Variants in FADS3 observed in about 807,000 individuals in gnomAD.
FADS3 encodes the protein fatty acid desaturase 3, also known as cytochrome b5-related protein.
Under a neutral mutation model 60.4 loss-of-function variants are expected in FADS3, and 30 were observed. That is an observed-to-expected ratio of 0.50 (90% CI 0.37 to 0.67). The LOEUF (loss-of-function observed/expected upper bound fraction) is 0.67, where lower values mean the gene tolerates loss of function less well. Ranked by LOEUF, FADS3 falls within the 30% of genes least tolerant of loss-of-function variation. The pLI, the probability that FADS3 is intolerant of heterozygous loss-of-function variation, is 0.00. For missense variants in FADS3, 432 were observed against 598.3 expected, an observed-to-expected ratio of 0.72 and a Z score of 2.90; for synonymous variants, 234 against 249.3, an observed-to-expected ratio of 0.94 and a Z score of 0.58.
chr11:61,876,922 TAAG>T lies in FADS3; in HGVS notation c.924_926del (p.Phe308del), dbSNP rs1937915694. 1.2e-6 allele frequency: 2 copies of T among 1,609,912 alleles called. No individual in the cohort carries two copies. The highest frequency in any genetic ancestry group is 8.5e-7 in the Non-Finnish European group (1 of 1,178,820). ...GGACGCCGTAGAAGGGGAGGTAGGA[TAAG>T]AAGAAGCGGGCATAGAAGCTGGCGG... On this transcript the variant is annotated inframe_deletion, in exon 8 of 12. Transcript: ENST00000278829. The surrounding 1 kb of genome is among the most constrained non-coding windows in gnomAD (Gnocchi z 5.7).
At chr11:61,884,194 T>C (rs2095154490) in intron 1 of FADS3, among the ~76,000 whole-genome samples, 1 of 152,134 alleles carries the variant, frequency 6.6e-6, no homozygotes, top group Admixed American at 6.5e-5. Flanking sequence ...GTCACACAGT[T>C]CCATTTGACC....
At position 61,879,509 on chromosome 11, in the gene FADS3, C is replaced by T; in HGVS notation, c.325G>A (p.Ala109Thr). The stretch of plus-strand genomic sequence containing the variant: ...GCTCGGAAGTCCTCGACCAGCTGCG[C>T]CTGCCATAGCAGAGGGGCCGATCAG... The part of the protein sequence containing the change: ...EEPSQDGPLN[A>T]QLVEDFRALH... Residue 109 changes from alanine (A) to threonine (T), a missense_variant and splice_region_variant, in exon 3 of 12, where the codon GCG (alanine) becomes ACG (threonine). Transcript: ENST00000278829. The T allele has an allele frequency of 1.3e-6, 2 of 1,589,702 alleles. No individual in the cohort carries two copies. Among genetic ancestry groups the T allele is most frequent in the Non-Finnish European group, 1.7e-6 (2 of 1,169,916 alleles).
intron 1 of FADS3, among the ~76,000 whole-genome samples, chr11:61,889,187 G>A (rs1175893736): frequency 6.6e-6 from 1 of 152,032 alleles, no homozygotes; most frequent in Non-Finnish European, 1.5e-5. Context: ...GTGAGCCACA[G>A]CGCTCGGCCT....
Position 61,879,425 on chromosome 11 carries a change from A to G in FADS3, c.409T>C (p.Phe137Leu), listed in dbSNP as rs1938037972. Residue 137 changes from phenylalanine to leucine, a missense_variant, in exon 3 of 12, where the codon TTC (phenylalanine) becomes CTC (leucine). Coordinates refer to ENST00000278829, the MANE Select transcript of FADS3 (RefSeq NM_021727.5). Reference sequence around the variant, plus strand: ...ATGGCCAGGATGTGGCCCAGTAGGAAAGCAAAGAAGGTGGGACTGGCATCA... The same window carrying G: ...ATGGCCAGGATGTGGCCCAGTAGGAGAGCAAAGAAGGTGGGACTGGCATCA... ...LFDASPTFFA[F>L]LLGHILAMEV... 6.2e-7 allele frequency: 1 copy of G among 1,604,424 alleles called. No homozygotes were observed. The highest frequency in any genetic ancestry group is 1.3e-5 in the African/African-American group (1 of 74,866).
Position 61,876,723 on chromosome 11 carries a change from TTG to T in FADS3, c.983+141_983+142del, listed in dbSNP as rs1166995081. The T allele has an allele frequency of 6.3e-6, 5 of 789,300 alleles. No homozygotes were observed. Among genetic ancestry groups the T allele is most frequent in the Non-Finnish European group, 8.6e-6 (4 of 465,122 alleles). The allele number at this position is 789,300 out of a possible 1,614,324, so 48.9% of individuals were successfully genotyped here. On this transcript the variant is annotated intron_variant, in intron 8 of 11. Transcript: ENST00000278829. This position sits in a 1 kb window ranked among gnomAD's most constrained non-coding sequence, Gnocchi z 5.7. ...CACCGACCCTGGGCTCCTGCCACGC[TTG>T]TGTTTATGTGATTCCACCAGCAAGC...
chr11:61,875,110 C>CCA (rs1471244871), intron 11 of FADS3, among the ~76,000 whole-genome samples: 1 of 152,220 alleles, frequency 6.6e-6, no homozygotes, highest in East Asian at 1.9e-4. Context: ...TTCATAAGAA[C>CCA]CACCTGCATG....
intron 1 of FADS3, chr11:61,882,571 C>T (rs1938174875): frequency 6.6e-6 from 1 of 152,118 alleles, no homozygotes; most frequent in South Asian, 2.1e-4. Flanking sequence ...AGGCACATGC[C>T]ACCATGTCTC....
chr11:61,878,904 G>A, intron 3 of FADS3, 57 bp from the exon 4 acceptor site: 3 of 1,511,668 alleles, frequency 2.0e-6, no homozygotes, highest in Non-Finnish European at 2.7e-6. Context: ...GCCAGGGCCT[G>A]GGGCCCCAGT....
At chr11:61,884,056 C>A (rs1443749370) in intron 1 of FADS3, among the ~76,000 whole-genome samples, 1 of 152,148 alleles carries the variant, frequency 6.6e-6, no homozygotes, top group African/African-American at 2.4e-5. Context: ...CAGGCCGAAA[C>A]CTGGAAGCAA....
rs757252065 is a variant in FADS3, at chr11:61,878,138, G to A, written c.808+17C>T. On this transcript the variant is annotated intron_variant, in intron 6 of 11. Transcript: ENST00000278829. ...CCCAGGCACTCCCCCACCCCAGAAG[G>A]ACAGATGGACACTCACTCAGGAAGA... The A allele has an allele frequency of 6.2e-7, 1 of 1,612,424 alleles. No homozygotes were observed.
rs1452448873 is a variant in FADS3 at position 61,875,691 on chromosome 11, TCTCA to T, written c.1286+156_1286+159del. Among the ~76,000 whole-genome samples the T allele has an allele frequency of 1.1e-4, 16 of 152,286 alleles. No homozygotes were observed. In the South Asian group the frequency reaches 2.5e-3, roughly 24 times the overall value. On this transcript the variant is annotated intron_variant, in intron 11 of 11. Transcript: ENST00000278829. Reference sequence around the variant, plus strand: ...AGTCTGCAGTAGGTGCTCCAGAAATTCTCACTGTGTGCGTGAAGGCTGGGGAAGG... The same window carrying T: ...AGTCTGCAGTAGGTGCTCCAGAAATTCTGTGTGCGTGAAGGCTGGGGAAGG...
chr11:61,878,839 G>A lies in FADS3; in HGVS notation c.531C>T (p.Ser177=). 6.2e-7 allele frequency: 1 copy of A among 1,614,058 alleles called. No individual in the cohort carries two copies. The highest frequency in any genetic ancestry group is 1.7e-4 in the Middle Eastern group (1 of 6,060). Residue 177 remains serine, a synonymous_variant, in exon 4 of 12, where the codon TCC becomes TCT. Transcript: ENST00000278829. ...AFILAISQAQ[S]WCLQHDLGHA... is the part of the protein sequence containing the mutation. ...GGCCCAGGTCATGCTGCAGACACCAGGACTGAGCCTGGGGAGAGAGGCAGG... is the reference window on the plus strand; with the variant it reads ...GGCCCAGGTCATGCTGCAGACACCAAGACTGAGCCTGGGGAGAGAGGCAGG...
chr11:61,875,821 C>G, intron 11 of FADS3, 30 bp downstream of exon 11: 6 of 1,605,606 alleles, frequency 3.7e-6, no homozygotes, highest in Non-Finnish European at 5.1e-6. Flanking sequence ...GGGAAGCCAC[C>G]AGAACAGAGG....
At chr11:61,874,066 C>G (rs1451621913) in intron 11 of FADS3, among the ~76,000 whole-genome samples, 1 of 152,194 alleles carries the variant, frequency 6.6e-6, no homozygotes, top group East Asian at 1.9e-4. Flanking sequence ...GAATCTAGAC[C>G]GGGGTGACGG....
In FADS3 at chr11:61,878,941, C is replaced by T. The variant is rs756994; in HGVS notation, c.523-94G>A. The T allele has an allele frequency of 9.1e-4, 876 of 967,222 alleles. 8 individuals are homozygous for T. The African/African-American group carries it at 0.013, about 14-fold the overall frequency. 59.9% of individuals were successfully genotyped at this position (967,222 alleles called of 1,614,324 possible). A position where few individuals can be genotyped will look rare whatever the true frequency, so the allele number is the denominator to read the frequency against. On this transcript the variant is annotated intron_variant, in intron 3 of 11. Coordinates refer to ENST00000278829, the MANE Select transcript of FADS3 (RefSeq NM_021727.5). ...AATCCTTTCAGCTTGCAGGGTACCCCCGTGCTAATGCTCCATTTCAAGACC... is the reference window on the plus strand; with the variant it reads ...AATCCTTTCAGCTTGCAGGGTACCCTCGTGCTAATGCTCCATTTCAAGACC...
Position 61,873,564 on chromosome 11 carries a change from C to T in FADS3, c.*250G>A. The T allele has an allele frequency of 1.8e-6, 1 of 560,724 alleles. No individual in the cohort carries two copies. Among genetic ancestry groups the T allele is most frequent in the East Asian group, 3.2e-5 (1 of 31,492 alleles). The allele number at this position is 560,724 out of a possible 1,614,324, so 34.7% of individuals were successfully genotyped here. A position where few individuals can be genotyped will look rare whatever the true frequency, so the allele number is the denominator to read the frequency against. On this transcript the variant is annotated 3_prime_UTR_variant, in exon 12 of 12. Transcript: ENST00000278829. ...ATTTTAATATAAAAATAACAGCTTT[C>T]CCCCAATTCTCGCTCTAGGAAAATG... is the stretch of plus-strand genomic sequence containing the variant.
chr11:61,886,072 C>T (rs1469890380), intron 1 of FADS3, among the ~76,000 whole-genome samples: 3 of 152,148 alleles, frequency 2.0e-5, no homozygotes, highest in Non-Finnish European at 4.4e-5. Context: ...GAGCCCAAGT[C>T]GAAGGCAGAC....
At chr11:61,887,600 T>C (rs1288597817) in intron 1 of FADS3, among the ~76,000 whole-genome samples, 1 of 152,188 alleles carries the variant, frequency 6.6e-6, no homozygotes, top group African/African-American at 2.4e-5. Flanking sequence ...GCTGCAGCCA[T>C]ACTGTATTCC....
Position 61,876,474 on chromosome 11 carries a change from A to C in FADS3, c.984-19T>G. The C allele has an allele frequency of 6.2e-7, 1 of 1,606,400 alleles. No homozygotes were observed. Among genetic ancestry groups the C allele is most frequent in the Non-Finnish European group, 8.5e-7 (1 of 1,173,944 alleles). On this transcript the variant is annotated intron_variant, in intron 8 of 11. Transcript: ENST00000278829. The surrounding 1 kb of genome is among the most constrained non-coding windows in gnomAD (Gnocchi z 5.7). ...CAGGACCCTGTGGGGAGGCTCGGGC[A>C]CTGCCCTAGGTCCAGCTCACCACTT...
Sources: gnomAD v4.1 joint callset for allele counts (sites outside exome capture counted in the v4.1 genomes callset) on GRCh38, gnomAD v4.1.1 for gene constraint, Gnocchi (gnomAD v3.1) non-coding constraint, MANE v1.5 for transcripts, NCBI Gene and HGNC (gene_info 2026-07-23, HGNC 2026-07-21) for gene names.